The following GMDS variants were observed in gnomAD, a reference collection of about 807,000 sequenced individuals.
GMDS encodes the protein GDP-mannose 4,6 dehydratase.
Under a neutral mutation model 49.9 loss-of-function variants are expected in GMDS, and 20 were observed. The observed-to-expected ratio is 0.40, with a 90% confidence interval of 0.28 to 0.58. GMDS has a LOEUF of 0.58. Among genes scored for constraint, GMDS ranks in the 20% least tolerant of loss-of-function variants. GMDS has a pLI of 0.42. For synonymous variants in GMDS, 177 were observed against 178.6 expected, an observed-to-expected ratio of 0.99 and a Z score of 0.07; for missense variants, 362 against 481.4, an observed-to-expected ratio of 0.75 and a Z score of 2.32.
At chr6:2,067,310 C>A (rs1581601629) in intron 4 of GMDS, among the ~76,000 whole-genome samples, 1 of 151,654 alleles carries the variant, frequency 6.6e-6, no homozygotes, top group Admixed American at 6.6e-5. Context: ...CAAGAGAAAG[C>A]AGGAAAGATC....
At chr6:1,723,329 AT>A (rs10717511) in intron 9 of GMDS, among the ~76,000 whole-genome samples, 70,594 of 99,972 alleles carry the variant, frequency 0.71, 23,664 homozygotes, top group East Asian at 0.9. Context: ...TCTTTATGGC[AT>A]TTTTTTTTTT....
chr6:1,771,548 G>A (rs1051246164), intron 7 of GMDS, among the ~76,000 whole-genome samples: 3 of 152,354 alleles, frequency 2.0e-5, no homozygotes, highest in South Asian at 4.1e-4. Flanking sequence ...GTGCACTGAT[G>A]ATGCCATTTC....
intron 7 of GMDS, among the ~76,000 whole-genome samples, chr6:1,922,008 A>G (rs576359151): frequency 7.8e-4 from 119 of 152,372 alleles, no homozygotes; most frequent in African/African-American, 2.8e-3. Context: ...CCCTTCCAAG[A>G]AAGAACACCT....
intron 1 of GMDS, among the ~76,000 whole-genome samples, chr6:2,166,675 G>GA (rs1448884643): frequency 1.3e-5 from 2 of 152,226 alleles, no homozygotes; most frequent in East Asian, 3.8e-4. Flanking sequence ...AGGTCACAGA[G>GA]TTAATAAGTA....
intron 1 of GMDS, among the ~76,000 whole-genome samples, chr6:2,132,729 C>T (rs1022809404): frequency 2.6e-5 from 4 of 152,150 alleles, no homozygotes; most frequent in Admixed American, 1.3e-4. Context: ...TGGGAAAATA[C>T]ACAGGAAATA....
At chr6:1,968,243 A>G (rs1764378113) in intron 4 of GMDS, among the ~76,000 whole-genome samples, 2 of 152,256 alleles carry the variant, frequency 1.3e-5, no homozygotes, top group African/African-American at 4.8e-5. Flanking sequence ...TAATAATGAC[A>G]AACTATCACT....
At chr6:1,872,764 G>A (rs1758839661) in intron 7 of GMDS, among the ~76,000 whole-genome samples, 1 of 152,230 alleles carries the variant, frequency 6.6e-6, no homozygotes, top group Non-Finnish European at 1.5e-5. Flanking sequence ...CCCATTAAGG[G>A]GAAACCTTTT....
intron 1 of GMDS, among the ~76,000 whole-genome samples, chr6:2,225,406 C>T (rs1780771728): frequency 6.6e-6 from 1 of 152,126 alleles, no homozygotes; most frequent in South Asian, 2.1e-4. Flanking sequence ...CCCTAACTTG[C>T]CCTTTAACTT....
At chr6:2,162,056 C>T (rs1187251543) in intron 1 of GMDS, among the ~76,000 whole-genome samples, 2 of 152,198 alleles carry the variant, frequency 1.3e-5, no homozygotes, top group African/African-American at 2.4e-5. Flanking sequence ...CAAGGAACAT[C>T]TTAATGACAC....
intron 4 of GMDS, among the ~76,000 whole-genome samples, chr6:2,112,109 C>T (rs969152898): frequency 4.6e-5 from 7 of 152,120 alleles, no homozygotes; most frequent in African/African-American, 2.4e-5. Context: ...ACAGGGATTT[C>T]GAAGGACATT....
At chr6:2,187,686 G>A (rs776376984) in intron 1 of GMDS, among the ~76,000 whole-genome samples, 8 of 152,194 alleles carry the variant, frequency 5.3e-5, no homozygotes, top group Non-Finnish European at 1.0e-4. Context: ...GAGTAGAACA[G>A]TAAAGACTTA....
intron 4 of GMDS, among the ~76,000 whole-genome samples, chr6:2,076,013 A>G (rs1356178590): frequency 6.6e-5 from 10 of 152,074 alleles, no homozygotes; most frequent in South Asian, 2.1e-4. Flanking sequence ...GCCAGTGATG[A>G]TGAGCATTTT....
chr6:2,195,826 A>C (rs1434086934), intron 1 of GMDS, among the ~76,000 whole-genome samples: 1 of 151,072 alleles, frequency 6.6e-6, no homozygotes, highest in Admixed American at 6.6e-5. Context: ...CTACCAAAAA[A>C]AAAAAAAAAG....
chr6:2,150,986 C>CG (rs1272141323), intron 1 of GMDS, among the ~76,000 whole-genome samples: 1 of 152,040 alleles, frequency 6.6e-6, no homozygotes, highest in Non-Finnish European at 1.5e-5. Flanking sequence ...GAACTATTAG[C>CG]GATATCCCTA....
At chr6:1,644,905 T>C (rs1763439693) in intron 9 of GMDS, among the ~76,000 whole-genome samples, 1 of 150,840 alleles carries the variant, frequency 6.6e-6, no homozygotes, top group Non-Finnish European at 1.5e-5. Flanking sequence ...GTGGGGTGTA[T>C]CAGGATGAGA....
At chr6:1,887,198 G>A (rs1012351207) in intron 7 of GMDS, among the ~76,000 whole-genome samples, 1 of 151,966 alleles carries the variant, frequency 6.6e-6, no homozygotes, top group African/African-American at 2.4e-5. Flanking sequence ...TAAAAACCTT[G>A]CAAGTAGATA....
intron 7 of GMDS, among the ~76,000 whole-genome samples, chr6:1,841,859 T>C (rs961831562): frequency 1.3e-5 from 2 of 152,152 alleles, no homozygotes; most frequent in Non-Finnish European, 2.9e-5. Flanking sequence ...CTCACTCACT[T>C]CTATCCCACT....
chr6:2,044,465 G>C (rs1451245140), intron 4 of GMDS, among the ~76,000 whole-genome samples: 1 of 152,168 alleles, frequency 6.6e-6, no homozygotes, highest in African/African-American at 2.4e-5. Flanking sequence ...GGAGGAACAG[G>C]AAAACCAAAT....
At chr6:2,139,461 T>C (rs907339351) in intron 1 of GMDS, among the ~76,000 whole-genome samples, 5 of 152,214 alleles carry the variant, frequency 3.3e-5, no homozygotes, top group African/African-American at 1.2e-4. Flanking sequence ...ATCCAGTTCC[T>C]CGGGTACGCT....
Sources: gnomAD v4.1 joint callset for allele counts (sites outside exome capture counted in the v4.1 genomes callset) on GRCh38, gnomAD v4.1.1 for gene constraint, MANE v1.5 for transcripts, NCBI Gene and HGNC (gene_info 2026-07-23, HGNC 2026-07-21) for gene names.